PROM1: variants seen among roughly 807,000 people sequenced by gnomAD.
The protein encoded by PROM1 is prominin-1.
A neutral mutation model predicts 116.9 loss-of-function variants in PROM1; 105 were observed. The ratio of observed to expected loss-of-function variants is 0.90; its 90% CI spans 0.77 to 1.06. PROM1 has a LOEUF of 1.06. Ranked by LOEUF, PROM1 falls within the 50% of genes least tolerant of loss-of-function variation. The pLI, the probability that PROM1 is intolerant of heterozygous loss-of-function variation, is 0.00. For missense variants in PROM1, 1,122 were observed against 1,045.2 expected, an observed-to-expected ratio of 1.07 and a Z score of -1.01; for synonymous variants, 393 against 387.0, an observed-to-expected ratio of 1.02 and a Z score of -0.18.
Position 15,968,810 on chromosome 4 carries a change from T to C in PROM1, c.*583A>G, listed in dbSNP as rs1713676970. On this transcript the variant is annotated 3_prime_UTR_variant, in exon 28 of 28. Transcript: ENST00000447510. Reference sequence around the variant, plus strand: ...GAAAATCTCTGCGTGAAGAATATGCTGTAGGTTTCACACACTTTTAGTGAA... The same window carrying C: ...GAAAATCTCTGCGTGAAGAATATGCCGTAGGTTTCACACACTTTTAGTGAA... The C allele has an allele frequency of 2.0e-5, 3 of 152,252 alleles. No homozygotes were observed. The highest frequency in any genetic ancestry group is 1.3e-4 in the Admixed American group (2 of 15,284). The allele number at this position is 152,252 out of a possible 1,614,324, so 9.4% of individuals were successfully genotyped here. A position where few individuals can be genotyped will look rare whatever the true frequency, so the allele number is the denominator to read the frequency against.
chr4:16,056,943 C>T (rs916530898), intron 2 of PROM1, among the ~76,000 whole-genome samples: 1 of 152,198 alleles, frequency 6.6e-6, no homozygotes, highest in Non-Finnish European at 1.5e-5. Flanking sequence ...CACTCTCACA[C>T]GAGAGCATGC....
intron 13 of PROM1, among the ~76,000 whole-genome samples, chr4:16,002,386 C>T (rs1724102241): frequency 3.3e-5 from 5 of 152,134 alleles, no homozygotes. Flanking sequence ...ACATAGAGAA[C>T]AAACTCTTAA....
At position 16,016,275 on chromosome 4, in the gene PROM1, T is replaced by G. The variant is rs2286458; in HGVS notation, c.1003-35A>C. On this transcript the variant is annotated intron_variant, in intron 9 of 27. Coordinates refer to ENST00000447510, the MANE Select transcript of PROM1 (RefSeq NM_006017.3). ...TATAAAACAAAATATAAGACAAGGTTGTTACCTTCAAAACAATTCCTCATG... is the reference window on the plus strand; with the variant it reads ...TATAAAACAAAATATAAGACAAGGTGGTTACCTTCAAAACAATTCCTCATG... 124,136 of 1,494,662 alleles carry G rather than the reference T, an allele frequency of 0.083. 7,025 individuals are homozygous for G. Among genetic ancestry groups the G allele is most frequent in the East Asian group, 0.23 (9,410 of 40,648 alleles). 92.6% of individuals were successfully genotyped at this position (1,494,662 alleles called of 1,614,324 possible).
chr4:16,079,737 C>G (rs903434925), intron 1 of PROM1, among the ~76,000 whole-genome samples: 3 of 152,110 alleles, frequency 2.0e-5, no homozygotes, highest in African/African-American at 7.2e-5. Flanking sequence ...AGTTTGAGAA[C>G]AGTTCTGTTC....
At chr4:16,022,311 T>G (rs1290787494) in intron 8 of PROM1, among the ~76,000 whole-genome samples, 1 of 152,108 alleles carries the variant, frequency 6.6e-6, no homozygotes, top group Non-Finnish European at 1.5e-5. Context: ...AGAACAGATG[T>G]CTAGAGAAAT....
intron 3 of PROM1, among the ~76,000 whole-genome samples, chr4:16,038,482 A>T (rs1734438015): frequency 6.6e-6 from 1 of 152,200 alleles, no homozygotes; most frequent in Admixed American, 6.5e-5. Context: ...GGCTCACTGC[A>T]ACCTCTGCCT....
At chr4:16,004,928 TTC>T in intron 13 of PROM1, among the ~76,000 whole-genome samples, 1 of 99,916 alleles carries the variant, frequency 1.0e-5, no homozygotes, top group Non-Finnish European at 2.4e-5. Flanking sequence ...CCTTCCTTCC[TTC>T]CTCTTTCTTT....
intron 16 of PROM1, among the ~76,000 whole-genome samples, chr4:15,992,964 G>C (rs555895490): frequency 1.3e-5 from 2 of 152,372 alleles, no homozygotes; most frequent in Admixed American, 1.3e-4. Context: ...GCAGCATGGA[G>C]TGCCTGCACG....
intron 2 of PROM1, among the ~76,000 whole-genome samples, chr4:16,071,038 G>C (rs1428315861): frequency 6.6e-6 from 1 of 152,182 alleles, no homozygotes; most frequent in Non-Finnish European, 1.5e-5. Flanking sequence ...TAACAGGCAA[G>C]AGCTAGGATT....
chr4:15,971,185 G>T, intron 26 of PROM1, 103 bp from the exon 27 acceptor site: 2 of 924,452 alleles, frequency 2.2e-6, no homozygotes, highest in South Asian at 3.3e-5. Context: ...AGGTACAGAC[G>T]AATATAAACC....
chr4:15,971,003 T>C (rs1001600491), intron 27 of PROM1, 40 bp downstream of exon 27: 20 of 1,482,926 alleles, frequency 1.3e-5, no homozygotes, highest in Non-Finnish European at 1.8e-5. Context: ...CTAAAAACTA[T>C]AGTCCTGTAG....
At chr4:16,032,510 C>T (rs191041028) in intron 5 of PROM1, among the ~76,000 whole-genome samples, 5 of 152,138 alleles carry the variant, frequency 3.3e-5, no homozygotes, top group Non-Finnish European at 7.4e-5. Context: ...GTTGGCCAAC[C>T]CTTGCTGTGC....
intron 5 of PROM1, among the ~76,000 whole-genome samples, chr4:16,025,719 G>GCACACA (rs139033375): frequency 4.4e-4 from 66 of 150,258 alleles, no homozygotes; most frequent in African/African-American, 1.5e-3. Context: ...ACACACACAC[G>GCACACA]CACACACACA....
At chr4:16,000,124 G>C (rs967803353) in intron 14 of PROM1, among the ~76,000 whole-genome samples, 3 of 152,242 alleles carry the variant, frequency 2.0e-5, no homozygotes, top group Non-Finnish European at 4.4e-5. Flanking sequence ...CTCCCAGGGT[G>C]TGTGGGAGGA....
rs557037405 is a variant in PROM1 at position 15,979,470 on chromosome 4, C to T, written c.2514-7G>A. The T allele has an allele frequency of 6.2e-7, 1 of 1,605,904 alleles. No individual in the cohort carries two copies. The highest frequency in any genetic ancestry group is 1.3e-5 in the African/African-American group (1 of 74,768). ...ATTATTACCATTTTCCATACTGTAACAGAAATAAATACACCAAAAACACCA... is the reference window on the plus strand; with the variant it reads ...ATTATTACCATTTTCCATACTGTAATAGAAATAAATACACCAAAAACACCA... On this transcript the variant is annotated splice_region_variant and splice_polypyrimidine_tract_variant and intron_variant, in intron 25 of 27. Coordinates refer to ENST00000447510, the MANE Select transcript of PROM1 (RefSeq NM_006017.3).
intron 26 of PROM1, among the ~76,000 whole-genome samples, chr4:15,975,806 T>C (rs1369262580): frequency 2.6e-5 from 4 of 152,204 alleles, no homozygotes; most frequent in Non-Finnish European, 5.9e-5. Flanking sequence ...GGGTTCCCAC[T>C]GGAGGTGGGT....
chr4:16,055,630 A>G (rs1450199045), intron 2 of PROM1, among the ~76,000 whole-genome samples: 2 of 152,232 alleles, frequency 1.3e-5, no homozygotes, highest in African/African-American at 4.8e-5. Context: ...ACTCTGCTAC[A>G]TAGCTAGGCA....
intron 16 of PROM1, among the ~76,000 whole-genome samples, chr4:15,992,887 T>C (rs1721423455): frequency 6.6e-6 from 1 of 152,158 alleles, no homozygotes; most frequent in African/African-American, 2.4e-5. Flanking sequence ...AGTGTTTAGT[T>C]ACTTGGGCAA....
At chr4:16,021,162 A>G (rs972783969) in intron 8 of PROM1, among the ~76,000 whole-genome samples, 1 of 149,492 alleles carries the variant, frequency 6.7e-6, no homozygotes, top group African/African-American at 2.5e-5. Flanking sequence ...TGGCAACACC[A>G]GAGGCTAAAT....
Sources: gnomAD v4.1 joint callset for allele counts (sites outside exome capture counted in the v4.1 genomes callset) on GRCh38, gnomAD v4.1.1 for gene constraint, MANE v1.5 for transcripts, NCBI Gene and HGNC (gene_info 2026-07-23, HGNC 2026-07-21) for gene names.